Variants in VSIR observed in about 807,000 individuals in gnomAD.
The protein encoded by VSIR is V-type immunoglobulin domain-containing suppressor of T-cell activation.
Under a neutral mutation model 31.0 loss-of-function variants are expected in VSIR, and 10 were observed. The observed-to-expected ratio is 0.32, with a 90% CI of 0.20 to 0.55. VSIR has a LOEUF of 0.55. VSIR is among the 20% of genes least tolerant of loss of function. The probability of loss-of-function intolerance (pLI) is 0.93; values close to 1 mark genes in which losing one functional copy is unlikely to be tolerated. For missense variants in VSIR, 356 were observed against 416.2 expected (o/e 0.86, Z 1.26); for synonymous variants, 179 against 180.1 (o/e 0.99, Z 0.05).
intron 1 of VSIR, among the ~76,000 whole-genome samples, chr10:71,765,608 A>T (rs144260097): frequency 6.6e-6 from 1 of 152,164 alleles, no homozygotes; most frequent in African/African-American, 2.4e-5. Context: ...TAGGGAAGGG[A>T]TGTTCTCCCC....
At chr10:71,762,495 G>A (rs552709387) in intron 1 of VSIR, among the ~76,000 whole-genome samples, 30 of 152,380 alleles carry the variant, frequency 2.0e-4, no homozygotes, top group Non-Finnish European at 4.0e-4. Context: ...GAGCACCTGC[G>A]TGTGCAAGGC....
rs1021078249 is a variant in VSIR at position 71,749,737 on chromosome 10, G to C, written c.*1516C>G. 1 of 152,388 alleles carries C rather than the reference G, an allele frequency of 6.6e-6. No homozygotes were observed. Among genetic ancestry groups the C allele is most frequent in the Non-Finnish European group, 1.5e-5 (1 of 68,202 alleles). The allele number at this position is 152,388 out of a possible 1,614,324, so 9.4% of individuals were successfully genotyped here. On this transcript the variant is annotated 3_prime_UTR_variant, in exon 7 of 7. Transcript: ENST00000394957. The stretch of plus-strand genomic sequence containing the variant: ...GAAGCAGGGCCATGTGTCCAGGTGG[G>C]GTTCCCTGGCTGTAGCCACAGGCCC...
intron 3 of VSIR, among the ~76,000 whole-genome samples, chr10:71,759,448 A>G (rs1840238493): frequency 1.3e-5 from 2 of 151,986 alleles, no homozygotes; most frequent in South Asian, 2.1e-4. Flanking sequence ...TTGAGGCTTC[A>G]GTGAGCTGTG....
intron 4 of VSIR, chr10:71,753,686 C>T (rs1840062999): frequency 2.2e-6 from 1 of 447,128 alleles, no homozygotes; most frequent in Non-Finnish European, 4.5e-6. Flanking sequence ...GTGACCCCAA[C>T]TTCCCTCTTT....
chr10:71,759,644 T>C (rs1840244054), intron 3 of VSIR, among the ~76,000 whole-genome samples: 1 of 151,626 alleles, frequency 6.6e-6, no homozygotes, highest in Non-Finnish European at 1.5e-5. Flanking sequence ...CCAGCTCCAC[T>C]AAAAATACAA....
chr10:71,756,879 C>T lies in VSIR; in HGVS notation c.569-1413G>A, dbSNP rs3827682. ...GCTGTTTTTGTTTTGCTCTACAATC[C>T]GACAGCGTAAACAAGCTTTCAGGAG... On this transcript the variant is annotated intron_variant, in intron 3 of 6. Coordinates refer to ENST00000394957, the MANE Select transcript of VSIR (RefSeq NM_022153.2). Among the ~76,000 whole-genome samples the T allele has an allele frequency of 7.9e-5, 12 of 152,292 alleles. No individual in the cohort carries two copies. The East Asian group carries it at 2.1e-3, about 27-fold the overall frequency.
chr10:71,751,642 T>C lies in VSIR; in HGVS notation c.898+26A>G. On this transcript the variant is annotated intron_variant, in intron 6 of 6. Transcript: ENST00000394957. This position sits in a 1 kb window ranked among gnomAD's most constrained non-coding sequence, Gnocchi z 4.9. Reference sequence around the variant, plus strand: ...GAGGTCATGACCTTACAGGTCATCGTGCTGTGAAGGTCAGGAAACACTTAC... The same window carrying C: ...GAGGTCATGACCTTACAGGTCATCGCGCTGTGAAGGTCAGGAAACACTTAC... 2 of 1,513,966 alleles carry C rather than the reference T, an allele frequency of 1.3e-6. No individual in the cohort carries two copies. The highest frequency in any genetic ancestry group is 1.8e-6 in the Non-Finnish European group (2 of 1,131,296). The allele number at this position is 1,513,966 out of a possible 1,614,324, so 93.8% of individuals were successfully genotyped here. A position where few individuals can be genotyped will look rare whatever the true frequency, so the allele number is the denominator to read the frequency against.
chr10:71,757,440 G>C (rs1840177661), intron 3 of VSIR: 1 of 152,408 alleles, frequency 6.6e-6, no homozygotes, highest in Non-Finnish European at 1.5e-5. Context: ...TTGGGGACAA[G>C]TCTGTGGATC....
chr10:71,752,228 C>G (rs556712838), intron 5 of VSIR, among the ~76,000 whole-genome samples: 104 of 152,286 alleles, frequency 6.8e-4, no homozygotes, highest in Non-Finnish European at 1.1e-3. Context: ...GCATTAGGAT[C>G]GAACATCCCC....
intron 4 of VSIR, among the ~76,000 whole-genome samples, chr10:71,754,577 T>G (rs1009909493): frequency 2.0e-5 from 3 of 152,138 alleles, no homozygotes; most frequent in Non-Finnish European, 2.9e-5. Context: ...CACTGTCACC[T>G]GGCCAGGGTG....
Position 71,750,879 on chromosome 10 carries a change from A to C in VSIR, c.*374T>G, listed in dbSNP as rs1189111095. On this transcript the variant is annotated 3_prime_UTR_variant, in exon 7 of 7. Coordinates refer to ENST00000394957, the MANE Select transcript of VSIR (RefSeq NM_022153.2). Reference sequence around the variant, plus strand: ...TGTCTGGTGCCTGGGAGGGTGGCCCAGTGTCCATCTTGTCCCACTGATGCT... The same window carrying C: ...TGTCTGGTGCCTGGGAGGGTGGCCCCGTGTCCATCTTGTCCCACTGATGCT... 1 of 192,294 alleles carries C rather than the reference A, an allele frequency of 5.2e-6. No individual in the cohort carries two copies. The highest frequency in any genetic ancestry group is 1.1e-5 in the Non-Finnish European group (1 of 94,208). 11.9% of individuals were successfully genotyped at this position (192,294 alleles called of 1,614,324 possible).
chr10:71,771,908 C>G (rs566237992), intron 1 of VSIR, among the ~76,000 whole-genome samples: 1 of 152,172 alleles, frequency 6.6e-6, no homozygotes, highest in African/African-American at 2.4e-5. Context: ...CAAGTGAGGG[C>G]AGGAAGTGGG....
chr10:71,762,296 G>A (rs1020803731), intron 1 of VSIR, among the ~76,000 whole-genome samples: 7 of 152,242 alleles, frequency 4.6e-5, no homozygotes, highest in Non-Finnish European at 7.3e-5. Context: ...TGATGCAGTC[G>A]GGTGTGTCCC....
intron 3 of VSIR, among the ~76,000 whole-genome samples, chr10:71,759,276 G>T (rs1231052224): frequency 6.6e-6 from 1 of 151,800 alleles, no homozygotes; most frequent in Non-Finnish European, 1.5e-5. Context: ...GGCCTCAAGC[G>T]ATCTGCCTGC....
chr10:71,767,720 G>A (rs1041237533), intron 1 of VSIR, among the ~76,000 whole-genome samples: 1 of 152,230 alleles, frequency 6.6e-6, no homozygotes, highest in Non-Finnish European at 1.5e-5. Flanking sequence ...AGTCTGCCCT[G>A]GGGCTTTCTG....
chr10:71,767,714 T>A (rs1840586915), intron 1 of VSIR, among the ~76,000 whole-genome samples: 1 of 152,390 alleles, frequency 6.6e-6, no homozygotes, highest in South Asian at 2.1e-4. Flanking sequence ...CCAGCAAGTC[T>A]GCCCTGGGGC....
Position 71,761,660 on chromosome 10 carries a change from T to C in VSIR, c.449A>G (p.Glu150Gly). The C allele has an allele frequency of 6.2e-7, 1 of 1,613,198 alleles. No individual in the cohort carries two copies. Among genetic ancestry groups the C allele is most frequent in the Non-Finnish European group, 8.5e-7 (1 of 1,179,768 alleles). The change falls in exon 2 of 7, where the codon GAG becomes GGG. Residue 150 changes from glutamate to glycine, a missense_variant. By Grantham distance (98) the Glu-to-Gly change is moderately conservative. Coordinates refer to ENST00000394957, the MANE Select transcript of VSIR (RefSeq NM_022153.2). ...DSGLYCCLVV[E>G]IRHHHSEHRV... is the part of the protein sequence containing the mutation. ...GTGCTCCGAGTGGTGGTGCCTGATC[T>C]CCACCACCAGGCAGCAGTAGAGGCC...
intron 3 of VSIR, 102 bp from the exon 4 acceptor site, chr10:71,755,568 G>A (rs996934924): frequency 2.6e-5 from 29 of 1,095,092 alleles, no homozygotes; most frequent in Middle Eastern, 2.1e-4. Context: ...CAGGAGACCC[G>A]CCTTTCCCCA....
rs1564779396 is a variant in VSIR at position 71,759,938 on chromosome 10, CACACACACATATATAT to C, written c.568+914_568+929del. Among the ~76,000 whole-genome samples the C allele has an allele frequency of 3.6e-4, 39 of 108,360 alleles. 4 individuals are homozygous for C. The highest frequency in any genetic ancestry group is 4.2e-4 in the African/African-American group (12 of 28,456). The allele number at this position is 108,360 out of a possible 152,430, so 71.1% of individuals were successfully genotyped here. On this transcript the variant is annotated intron_variant, in intron 3 of 6. Transcript: ENST00000394957. ...ACATATATACACACACACATATATA[CACACACACATATATAT>C]ACACACACATATATATACACACACA...
Sources: gnomAD v4.1 joint callset for allele counts (sites outside exome capture counted in the v4.1 genomes callset) on GRCh38, gnomAD v4.1.1 for gene constraint, Gnocchi (gnomAD v3.1) non-coding constraint, MANE v1.5 for transcripts, NCBI Gene and HGNC (gene_info 2026-07-23, HGNC 2026-07-21) for gene names.